The following CEP83 variants were observed in gnomAD, a reference collection of about 807,000 sequenced individuals.
CEP83 encodes the protein centrosomal protein 83, also known as centrosomal protein of 83 kDa.
A neutral mutation model predicts 101.9 loss-of-function variants in CEP83; 70 were observed. That is an observed-to-expected ratio of 0.69 (90% CI 0.57 to 0.84). The LOEUF is 0.84. CEP83 is among the 40% of genes least tolerant of loss of function. CEP83 has a pLI of 0.00. For synonymous variants in CEP83, 264 were observed against 267.9 expected (o/e 0.99, Z 0.14); for missense variants, 715 against 787.2 (o/e 0.91, Z 1.10).
At chr12:94,291,318 C>G in the CEP83 span, among the ~76,000 whole-genome samples, 1 of 152,202 alleles carries the variant, frequency 6.6e-6, no homozygotes, top group African/African-American at 2.4e-5. Context: ...TCACTGCACC[C>G]TTGACCTCCC....
At chr12:94,271,973 A>C in the CEP83 span, among the ~76,000 whole-genome samples, 1 of 152,150 alleles carries the variant, frequency 6.6e-6, no homozygotes, top group African/African-American at 2.4e-5. Flanking sequence ...GGGTGTTTAC[A>C]ACCTGTGGCA....
the CEP83 span, among the ~76,000 whole-genome samples, chr12:94,288,767 G>A: frequency 3.9e-5 from 6 of 152,352 alleles, no homozygotes; most frequent in South Asian, 2.1e-4. Flanking sequence ...CGATACTGAC[G>A]GAGGGAGAGC....
intron 11 of CEP83, among the ~76,000 whole-genome samples, chr12:94,356,718 C>T (rs574447067): frequency 1.3e-5 from 2 of 152,326 alleles, no homozygotes; most frequent in African/African-American, 4.8e-5. Context: ...AGGAATGTTA[C>T]TGTTTCCAGT....
At chr12:94,401,778 T>G (rs754043694) in intron 5 of CEP83, among the ~76,000 whole-genome samples, 2 of 152,138 alleles carry the variant, frequency 1.3e-5, no homozygotes, top group Non-Finnish European at 2.9e-5. Flanking sequence ...AAAAAAAAAG[T>G]TTTTATTGAA....
At chr12:94,376,690 TACACACACACACACACACAC>T (rs533315599) in intron 7 of CEP83, among the ~76,000 whole-genome samples, 5 of 117,390 alleles carry the variant, frequency 4.3e-5, no homozygotes, top group Non-Finnish European at 6.8e-5. Flanking sequence ...TATACATATA[TACACACACACACACACACAC>T]ACACACACAC....
At chr12:94,451,985 A>G (rs868433795) in intron 1 of CEP83, among the ~76,000 whole-genome samples, 2 of 152,224 alleles carry the variant, frequency 1.3e-5, no homozygotes, top group Non-Finnish European at 2.9e-5. Flanking sequence ...TCAACTGGTG[A>G]ATGGAAAATA....
the CEP83 span, among the ~76,000 whole-genome samples, chr12:94,290,033 A>G: frequency 1.3e-5 from 2 of 152,306 alleles, no homozygotes; most frequent in East Asian, 1.9e-4. Context: ...AGCGTTCCTT[A>G]TCAGAAGGCC....
chr12:94,288,283 A>G, the CEP83 span, among the ~76,000 whole-genome samples: 1 of 152,228 alleles, frequency 6.6e-6, no homozygotes, highest in Non-Finnish European at 1.5e-5. Flanking sequence ...CAGTCCGTGA[A>G]GATGACAGTT....
At chr12:94,442,117 T>A (rs2066456192) in intron 1 of CEP83, among the ~76,000 whole-genome samples, 1 of 148,450 alleles carries the variant, frequency 6.7e-6, no homozygotes. Flanking sequence ...AAAGAAAATG[T>A]GGTAGGTATA....
the CEP83 span, among the ~76,000 whole-genome samples, chr12:94,266,371 T>C: frequency 6.6e-6 from 1 of 152,134 alleles, no homozygotes; most frequent in African/African-American, 2.4e-5. Context: ...TTCTCAGCGT[T>C]CTGAATTGTA....
At chr12:94,411,615 G>T in intron 4 of CEP83, 82 bp downstream of exon 4, 1 of 928,832 alleles carries the variant, frequency 1.1e-6, no homozygotes, top group African/African-American at 1.7e-5. Flanking sequence ...GACAGAAATT[G>T]CCATATTCAC....
chr12:94,305,901 G>A (rs1968955843), downstream of CEP83: 1 of 152,030 alleles, frequency 6.6e-6, no homozygotes, highest in Admixed American at 6.6e-5. Flanking sequence ...GTTTTTCAGT[G>A]GTCATCAACT....
chr12:94,297,575 A>G, the CEP83 span: 1 of 617,498 alleles, frequency 1.6e-6, no homozygotes, highest in East Asian at 2.8e-5. Context: ...CTTCCTACCC[A>G]GTTCCTCTTC....
the CEP83 span, among the ~76,000 whole-genome samples, chr12:94,267,570 T>C: frequency 6.6e-6 from 1 of 152,166 alleles, no homozygotes; most frequent in African/African-American, 2.4e-5. Flanking sequence ...TACATAAGAT[T>C]TGAGCCTTGA....
At chr12:94,299,157 T>G in the CEP83 span, among the ~76,000 whole-genome samples, 1 of 152,242 alleles carries the variant, frequency 6.6e-6, no homozygotes, top group East Asian at 1.9e-4. Context: ...TTGTTCCTAA[T>G]CGGTTACTTT....
Position 94,458,449 on chromosome 12 carries a change from A to G in CEP83, c.-155+1108T>C, listed in dbSNP as rs748304838. 5.9e-4 allele frequency among the ~76,000 whole-genome samples: 90 copies of G among 152,074 alleles called. 1 individual carries two copies. The highest frequency in any genetic ancestry group is 1.1e-3 in the Non-Finnish European group (77 of 67,964). ...GTCCTGTGTGACACTTATAATTTAA[A>G]GCATTCTGGCCTGGTGCGGTGGCTC... On this transcript the variant is annotated intron_variant, in intron 1 of 16. Transcript: ENST00000397809.
At position 94,367,877 on chromosome 12, in the gene CEP83, T is replaced by C. The variant is rs530508070; in HGVS notation, c.1260A>G (p.Gln420=). ...KMKVEHDVWR[Q]SEKDQYEEKL... ...TCTCTTCATACTGATCCTTTTCAGA[T>C]TGCCTCCAGACATCATGTTCCACTT... is the stretch of plus-strand genomic sequence containing the variant. Residue 420 remains glutamine (Q), a synonymous_variant, in exon 11 of 17, where the codon CAA becomes CAG. Transcript: ENST00000397809. 6.7e-5 allele frequency: 108 copies of C among 1,613,770 alleles called. No homozygotes were observed. Among genetic ancestry groups the C allele is most frequent in the Non-Finnish European group, 8.9e-5 (105 of 1,179,758 alleles).
chr12:94,271,025 C>T, the CEP83 span, among the ~76,000 whole-genome samples: 2 of 152,194 alleles, frequency 1.3e-5, no homozygotes, highest in East Asian at 1.9e-4. Context: ...ACTTGCACTT[C>T]TAACTGGCCT....
At position 94,416,423 on chromosome 12, in the gene CEP83, G is replaced by A. The variant is rs148356570; in HGVS notation, c.-101-3832C>T. ...CAGAGCTGAAGAAACTGGCAACCAG[G>A]AAACACCAATTAATTCAGACAAATA... On this transcript the variant is annotated intron_variant, in intron 2 of 16. Transcript: ENST00000397809. Among the ~76,000 whole-genome samples the A allele has an allele frequency of 1.4e-3, 213 of 152,080 alleles. 1 individual carries two copies. The highest frequency in any genetic ancestry group is 4.9e-3 in the African/African-American group (202 of 41,504).
Sources: gnomAD v4.1 joint callset for allele counts (sites outside exome capture counted in the v4.1 genomes callset) on GRCh38, gnomAD v4.1.1 for gene constraint, MANE v1.5 for transcripts, NCBI Gene and HGNC (gene_info 2026-07-23, HGNC 2026-07-21) for gene names.